The following CPNE5 variants were observed in gnomAD, a reference collection of about 807,000 sequenced individuals.
CPNE5 encodes the protein copine 5.
CPNE5 carries 42 observed loss-of-function variants against 81.1 expected under a neutral mutation model. The ratio of observed to expected loss-of-function variants is 0.52; its 90% confidence interval spans 0.40 to 0.67. The LOEUF (loss-of-function observed/expected upper bound fraction) is 0.67, where lower values mean the gene tolerates loss of function less well. Ranked by LOEUF, CPNE5 falls within the 30% of genes least tolerant of loss-of-function variation. CPNE5 has a pLI of 0.00. For synonymous variants in CPNE5, 313 were observed against 321.5 expected, an observed-to-expected ratio of 0.97 and a Z score of 0.28; for missense variants, 612 against 815.5, an observed-to-expected ratio of 0.75 and a Z score of 3.04.
At chr6:36,781,765 G>T (rs2150476519) in intron 8 of CPNE5, among the ~76,000 whole-genome samples, 2 of 152,334 alleles carry the variant, frequency 1.3e-5, no homozygotes, top group Middle Eastern at 3.4e-3. Context: ...GGAGATTCAA[G>T]ATAGTGACAG....
At chr6:36,756,103 T>TCC in intron 13 of CPNE5, 142 bp downstream of exon 13, 3 of 287,630 alleles carry the variant, frequency 1.0e-5, no homozygotes, top group South Asian at 2.7e-5. Context: ...GCCCCACCCC[T>TCC]CCCCACCCCA....
chr6:36,786,012 C>CAAAA (rs36060316), intron 8 of CPNE5, among the ~76,000 whole-genome samples: 3 of 83,824 alleles, frequency 3.6e-5, no homozygotes, highest in East Asian at 2.9e-4. Context: ...GACTCCGTCT[C>CAAAA]AAAAAAAAAA....
At chr6:36,772,590 C>T (rs4711464) in intron 10 of CPNE5, among the ~76,000 whole-genome samples, 90,948 of 152,126 alleles carry the variant, frequency 0.6, 27,690 homozygotes, top group Non-Finnish European at 0.67. Flanking sequence ...TAAATCCGCA[C>T]AGCTAGAGGC....
chr6:36,839,510 C>G, upstream of CPNE5: 1 of 634,704 alleles, frequency 1.6e-6, no homozygotes, highest in Non-Finnish European at 2.6e-6. This position sits in a 1 kb window ranked among gnomAD's most constrained non-coding sequence, Gnocchi z 7.3. Context: ...GAGAGGAGCG[C>G]GAAGAGGGGG....
chr6:36,838,447 C>T (rs1302699153), intron 1 of CPNE5, among the ~76,000 whole-genome samples: 1 of 152,218 alleles, frequency 6.6e-6, no homozygotes, highest in Non-Finnish European at 1.5e-5. Context: ...TACCCTCTTA[C>T]TGCCAGGGGC....
At chr6:36,760,294 G>A (rs1326804400) in intron 12 of CPNE5, among the ~76,000 whole-genome samples, 2 of 151,820 alleles carry the variant, frequency 1.3e-5, no homozygotes, top group South Asian at 2.1e-4. Context: ...GAAAGAGCTT[G>A]GAACTTCACC....
chr6:36,823,167 C>A lies in CPNE5; in HGVS notation c.96-69G>T. 8.9e-6 allele frequency: 12 copies of A among 1,355,336 alleles called. No homozygotes were observed. The South Asian group carries it at 2.0e-4, about 22-fold the overall frequency. The allele number at this position is 1,355,336 out of a possible 1,614,324, so 84.0% of individuals were successfully genotyped here. A position where few individuals can be genotyped will look rare whatever the true frequency, so the allele number is the denominator to read the frequency against. On this transcript the variant is annotated intron_variant, in intron 1 of 20. Transcript: ENST00000244751. ...AGGAGGCGACCTCAGGGGATTCAGG[C>A]TGTTACCGAGACCCAGAGGCTGCCT... is the stretch of plus-strand genomic sequence containing the variant.
rs536730347 is a variant in CPNE5, at chr6:36,745,335, G to C, written c.1328+53C>G. On this transcript the variant is annotated intron_variant, in intron 17 of 20. Transcript: ENST00000244751. Reference sequence around the variant, plus strand: ...CTCCCACCACCCAGAGGCAGAGCTGGTGTGGAAACAGAGGCCTTGTGAGTG... The same window carrying C: ...CTCCCACCACCCAGAGGCAGAGCTGCTGTGGAAACAGAGGCCTTGTGAGTG... 15 of 1,574,384 alleles carry C rather than the reference G, an allele frequency of 9.5e-6. No homozygotes were observed. The East Asian group carries it at 2.7e-4, about 29-fold the overall frequency.
intron 8 of CPNE5, among the ~76,000 whole-genome samples, chr6:36,779,865 C>G (rs1767868392): frequency 6.6e-6 from 1 of 152,206 alleles, no homozygotes; most frequent in African/African-American, 2.4e-5. Context: ...TGCATCCTGA[C>G]AAATCACCTT....
Position 36,743,758 on chromosome 6 carries a change from C to T in CPNE5, c.1494G>A (p.Met498Ile), listed in dbSNP as rs555718185. The change falls in exon 20 of 21, where the codon ATG (methionine) becomes ATA (isoleucine). Residue 498 changes from methionine to isoleucine, a missense_variant. Physicochemically the swap from Met to Ile is conservative, Grantham distance 10. Coordinates refer to ENST00000244751, the MANE Select transcript of CPNE5 (RefSeq NM_020939.2). ...GCACGTCGTCGCCATCCAGCTCCAC[C>T]ATGGCTGTGAGGGGAGGAGTGTCAT... ...VGVGQAEFDAMVELDGDDVRI... is the reference protein window; with the variant it reads ...VGVGQAEFDAIVELDGDDVRI... 6.2e-7 allele frequency: 1 copy of T among 1,611,802 alleles called. No individual in the cohort carries two copies. Among genetic ancestry groups the T allele is most frequent in the Admixed American group, 1.7e-5 (1 of 60,034 alleles).
chr6:36,767,212 T>G (rs1002815753), intron 10 of CPNE5, among the ~76,000 whole-genome samples: 8 of 152,240 alleles, frequency 5.3e-5, no homozygotes, highest in African/African-American at 1.9e-4. Flanking sequence ...GCCTAGGTAC[T>G]TGGGCTTTGC....
intron 18 of CPNE5, 199 bp from the exon 19 acceptor site, chr6:36,744,524 C>T (rs182870179): frequency 3.9e-5 from 23 of 596,260 alleles, no homozygotes; most frequent in East Asian, 1.4e-4. Context: ...AACCAGGCTG[C>T]GCCTGGAGGA....
intron 9 of CPNE5, among the ~76,000 whole-genome samples, chr6:36,775,295 G>A (rs1767404541): frequency 6.6e-6 from 1 of 152,182 alleles, no homozygotes; most frequent in Non-Finnish European, 1.5e-5. Context: ...ACCTGGAGGT[G>A]GGGACAAGTC....
chr6:36,814,868 C>T (rs1771399778), intron 3 of CPNE5, among the ~76,000 whole-genome samples: 2 of 152,294 alleles, frequency 1.3e-5, no homozygotes, highest in South Asian at 4.2e-4. Context: ...AGGTAAAGTA[C>T]TTAGAACAGT....
intron 2 of CPNE5, 37 bp from the exon 3 acceptor site, chr6:36,822,197 G>A (rs1159289286): frequency 6.9e-7 from 1 of 1,451,982 alleles, no homozygotes; most frequent in Non-Finnish European, 9.2e-7. Flanking sequence ...TAATACCTCA[G>A]GCCAAGAGGA....
At chr6:36,822,468 G>A (rs1423473664) in intron 2 of CPNE5, among the ~76,000 whole-genome samples, 1 of 152,158 alleles carries the variant, frequency 6.6e-6, no homozygotes, top group African/African-American at 2.4e-5. Flanking sequence ...TTAGGAGAAG[G>A]GTCGGCACCA....
In CPNE5 at chr6:36,788,701, C is replaced by A. The variant is rs574814162; in HGVS notation, c.528+3332G>T. ...CGTTTTACTGCTGAGCAGAATTGAA[C>A]CTTGGGTGATTCAGAAGGCCCTTCG... On this transcript the variant is annotated intron_variant, in intron 8 of 20. Coordinates refer to ENST00000244751, the MANE Select transcript of CPNE5 (RefSeq NM_020939.2). 1.3e-4 allele frequency among the ~76,000 whole-genome samples: 16 copies of A among 120,144 alleles called. 1 individual carries two copies. The South Asian group carries it at 5.0e-3, about 38-fold the overall frequency. 78.8% of individuals were successfully genotyped at this position (120,144 alleles called of 152,430 possible). A position where few individuals can be genotyped will look rare whatever the true frequency, so the allele number is the denominator to read the frequency against.
At chr6:36,828,917 C>T (rs1446199661) in intron 1 of CPNE5, among the ~76,000 whole-genome samples, 1 of 152,170 alleles carries the variant, frequency 6.6e-6, no homozygotes, top group Non-Finnish European at 1.5e-5. Context: ...TCAGTATTCC[C>T]ATTTGTAAAG....
chr6:36,806,890 G>A (rs1770645811), intron 3 of CPNE5, among the ~76,000 whole-genome samples: 1 of 152,192 alleles, frequency 6.6e-6, no homozygotes, highest in Non-Finnish European at 1.5e-5. Flanking sequence ...GCTTCATTGG[G>A]GGCTCTCAGG....
Sources: gnomAD v4.1 joint callset for allele counts (sites outside exome capture counted in the v4.1 genomes callset) on GRCh38, gnomAD v4.1.1 for gene constraint, Gnocchi (gnomAD v3.1) non-coding constraint, MANE v1.5 for transcripts, NCBI Gene and HGNC (gene_info 2026-07-23, HGNC 2026-07-21) for gene names.